RBFOX2: variants seen among roughly 807,000 people sequenced by gnomAD.
RBFOX2 encodes the protein RNA binding protein fox-1 homolog 2.
A neutral mutation model predicts 49.1 loss-of-function variants in RBFOX2; 10 were observed. The ratio of observed to expected loss-of-function variants is 0.20; its 90% CI spans 0.13 to 0.35. The LOEUF is 0.35. Among genes scored for constraint, RBFOX2 ranks in the 10% least tolerant of loss-of-function variants. The probability of loss-of-function intolerance (pLI) is 1.00; values close to 1 mark genes in which losing one functional copy is unlikely to be tolerated. For synonymous variants in RBFOX2, 183 were observed against 187.4 expected (o/e 0.98, Z 0.19); for missense variants, 323 against 486.9 (o/e 0.66, Z 3.17).
At position 35,756,174 on chromosome 22, in the gene RBFOX2, A is replaced by G. The variant is rs1218417025; in HGVS notation, c.887+3714T>C. ...AGAAAATCCACACAAAAACAAAAAC[A>G]AAAAAAACAAAAGAACAGAAACACA... On this transcript the variant is annotated intron_variant, in intron 9 of 11. Coordinates refer to ENST00000405409, the Ensembl canonical transcript of RBFOX2. 4.7e-6 allele frequency: 7 copies of G among 1,476,074 alleles called. No homozygotes were observed. In the South Asian group the frequency reaches 5.5e-5, roughly 12 times the overall value. The allele number at this position is 1,476,074 out of a possible 1,614,324, so 91.4% of individuals were successfully genotyped here.
At chr22:35,858,275 T>C (rs928101576) in intron 1 of RBFOX2, among the ~76,000 whole-genome samples, 1 of 152,220 alleles carries the variant, frequency 6.6e-6, no homozygotes, top group Non-Finnish European at 1.5e-5. Context: ...ATTTTTACTT[T>C]ATTTTGTTTG....
intron 2 of RBFOX2, among the ~76,000 whole-genome samples, chr22:35,786,703 C>A (rs1946479734): frequency 6.6e-6 from 1 of 152,154 alleles, no homozygotes. Flanking sequence ...TTTTCTTTAA[C>A]CCTCACAATA....
chr22:35,990,971 C>G (rs1489628874), intron 1 of RBFOX2, among the ~76,000 whole-genome samples: 1 of 151,924 alleles, frequency 6.6e-6, no homozygotes, highest in East Asian at 1.9e-4. Context: ...CACCGAAACA[C>G]CCACTAAGCC....
chr22:35,964,469 A>G (rs1018136094), upstream of RBFOX2, among the ~76,000 whole-genome samples: 34 of 152,238 alleles, frequency 2.2e-4, no homozygotes, highest in Non-Finnish European at 1.2e-4. Context: ...GAGAAATTAC[A>G]TGCTGAAATG....
chr22:35,962,242 G>A (rs577049161), upstream of RBFOX2, among the ~76,000 whole-genome samples: 355 of 152,274 alleles, frequency 2.3e-3, 16 homozygotes, highest in South Asian at 0.071. Context: ...AAGAATAAAT[G>A]GGGAGGAGAA....
At chr22:35,925,241 G>A (rs912000052) in intron 1 of RBFOX2, among the ~76,000 whole-genome samples, 2 of 151,800 alleles carry the variant, frequency 1.3e-5, no homozygotes, top group Admixed American at 6.6e-5. Context: ...GTAGAAGGCC[G>A]GGTGCAGTGG....
At chr22:35,768,019 GCACACACACACA>G (rs1299680005) in intron 5 of RBFOX2, among the ~76,000 whole-genome samples, 1 of 151,382 alleles carries the variant, frequency 6.6e-6, no homozygotes, top group Non-Finnish European at 1.5e-5. Flanking sequence ...ACACACACAC[GCACACACACACA>G]GTCAAAATTA....
chr22:35,754,043 A>G (rs1202629724), intron 9 of RBFOX2, among the ~76,000 whole-genome samples: 2 of 151,470 alleles, frequency 1.3e-5, no homozygotes, highest in African/African-American at 4.9e-5. Context: ...TCGGCCTCCC[A>G]AAGTGCTGCG....
chr22:35,841,640 T>C (rs1490490880), upstream of RBFOX2, among the ~76,000 whole-genome samples: 2 of 152,220 alleles, frequency 1.3e-5, no homozygotes, highest in Non-Finnish European at 2.9e-5. Context: ...ATTTTAGTTA[T>C]GCTATGTATT....
chr22:35,863,163 T>C (rs982310639), intron 1 of RBFOX2, among the ~76,000 whole-genome samples: 2 of 152,210 alleles, frequency 1.3e-5, no homozygotes, highest in African/African-American at 4.8e-5. Flanking sequence ...ATTGTTGTTA[T>C]TTTGTAAATA....
intron 3 of RBFOX2, among the ~76,000 whole-genome samples, chr22:35,779,584 TG>T (rs557828889): frequency 3.9e-4 from 59 of 152,184 alleles, no homozygotes; most frequent in Non-Finnish European, 5.9e-4. Flanking sequence ...TATGGTGCTT[TG>T]GAGTTTGTTT....
intron 1 of RBFOX2, among the ~76,000 whole-genome samples, chr22:35,891,655 G>T (rs752909121): frequency 3.3e-5 from 5 of 152,174 alleles, no homozygotes; most frequent in East Asian, 1.9e-4. Context: ...CAGACAGGGA[G>T]AACATATCCT....
At chr22:35,968,978 T>C (rs975777480) in intron 1 of RBFOX2, among the ~76,000 whole-genome samples, 5 of 152,058 alleles carry the variant, frequency 3.3e-5, no homozygotes, top group Admixed American at 1.3e-4. Flanking sequence ...CTCAAGCAAA[T>C]CAACAAGATT....
chr22:35,936,314 C>T (rs576236599), intron 1 of RBFOX2, among the ~76,000 whole-genome samples: 31 of 151,678 alleles, frequency 2.0e-4, no homozygotes, highest in Non-Finnish European at 3.5e-4. Context: ...CCCAGTTCCT[C>T]GATTTGCTGA....
At chr22:35,981,193 C>T (rs2057440833) in intron 1 of RBFOX2, among the ~76,000 whole-genome samples, 1 of 151,962 alleles carries the variant, frequency 6.6e-6, no homozygotes. Context: ...GAGCAAGGTC[C>T]CACAACAAAA....
At chr22:35,962,399 C>G (rs191682772), upstream of RBFOX2, among the ~76,000 whole-genome samples, 145 of 152,268 alleles carry the variant, frequency 9.5e-4, no homozygotes, top group Admixed American at 1.5e-3. Flanking sequence ...AGCTCCCACA[C>G]AGGGATATTA....
chr22:35,897,323 A>T, intron 1 of RBFOX2: 1 of 1,457,166 alleles, frequency 6.9e-7, no homozygotes, highest in South Asian at 1.1e-5. Context: ...GCCAGCAGTA[A>T]GTGTGATGAA....
At chr22:35,921,510 T>C (rs1481413232) in intron 1 of RBFOX2, among the ~76,000 whole-genome samples, 2 of 152,164 alleles carry the variant, frequency 1.3e-5, no homozygotes, top group South Asian at 4.1e-4. Context: ...CAAAGTCTTC[T>C]TACAACATGT....
intron 1 of RBFOX2, among the ~76,000 whole-genome samples, chr22:35,863,313 T>A (rs1414918885): frequency 2.0e-5 from 3 of 152,070 alleles, no homozygotes; most frequent in East Asian, 3.9e-4. Context: ...GAAGGGAATA[T>A]CAATAAATAA....
Sources: gnomAD v4.1 joint callset for allele counts (sites outside exome capture counted in the v4.1 genomes callset) on GRCh38, gnomAD v4.1.1 for gene constraint, MANE v1.5 for transcripts, NCBI Gene and HGNC (gene_info 2026-07-23, HGNC 2026-07-21) for gene names.